The following PRKCE variants were observed in gnomAD, a reference collection of about 807,000 sequenced individuals.
PRKCE encodes the protein protein kinase C epsilon, also known as protein kinase C epsilon type.
In PRKCE, 16 loss-of-function variants were observed where a neutral mutation model predicts 85.4. The observed-to-expected ratio is 0.19, with a 90% confidence interval of 0.13 to 0.28. The LOEUF is 0.28. Ranked by LOEUF, PRKCE falls within the 10% of genes least tolerant of loss-of-function variation. PRKCE has a pLI of 1.00. For missense variants in PRKCE, 573 were observed against 975.2 expected, an observed-to-expected ratio of 0.59 and a Z score of 5.49; for synonymous variants, 388 against 371.5, an observed-to-expected ratio of 1.04 and a Z score of -0.51.
intron 10 of PRKCE, among the ~76,000 whole-genome samples, chr2:46,047,863 AG>A (rs1237571888): frequency 1.2e-4 from 18 of 152,262 alleles, no homozygotes; most frequent in Non-Finnish European, 1.2e-4. Flanking sequence ...ACTTGCATAC[AG>A]GAAGTTTTCT....
At position 46,041,347 on chromosome 2, in the gene PRKCE, A is replaced by T. The variant is rs1448825747; in HGVS notation, c.1437+30830A>T. Among the ~76,000 whole-genome samples the T allele has an allele frequency of 6.6e-6, 1 of 152,198 alleles. No homozygotes were observed. Among genetic ancestry groups the T allele is most frequent in the Non-Finnish European group, 1.5e-5 (1 of 68,032 alleles). On this transcript the variant is annotated intron_variant, in intron 10 of 14. Coordinates refer to ENST00000306156, the MANE Select transcript of PRKCE (RefSeq NM_005400.3). The surrounding 1 kb of genome is among the most constrained non-coding windows in gnomAD (Gnocchi z 5.5). Reference sequence around the variant, plus strand: ...TTTTCCTTCCATAAGTCAATATCTGATGCTTTGATTTTCTTAAGTCATGTA... The same window carrying T: ...TTTTCCTTCCATAAGTCAATATCTGTTGCTTTGATTTTCTTAAGTCATGTA...
intron 1 of PRKCE, among the ~76,000 whole-genome samples, chr2:45,800,936 A>T (rs1267497877): frequency 6.6e-6 from 1 of 152,234 alleles, no homozygotes; most frequent in African/African-American, 2.4e-5. Flanking sequence ...TCATTACAAT[A>T]CCTGGAAACT....
At chr2:46,160,665 T>C (rs1677667606) in intron 14 of PRKCE, among the ~76,000 whole-genome samples, 2 of 152,130 alleles carry the variant, frequency 1.3e-5, no homozygotes, top group Admixed American at 6.5e-5. Context: ...CAGGGAGGAT[T>C]TGCCATCAGG....
chr2:45,857,411 T>G (rs1692764870), intron 2 of PRKCE, among the ~76,000 whole-genome samples: 1 of 152,266 alleles, frequency 6.6e-6, no homozygotes, highest in Non-Finnish European at 1.5e-5. Context: ...CGTGATCATC[T>G]GGGCAGCCTG....
chr2:46,049,888 C>T (rs906593342), intron 10 of PRKCE, among the ~76,000 whole-genome samples: 2 of 152,232 alleles, frequency 1.3e-5, no homozygotes, highest in African/African-American at 4.8e-5. Context: ...AAACCCGAGG[C>T]AGGTCCTTCT....
chr2:46,172,753 G>A (rs954763756), intron 14 of PRKCE, among the ~76,000 whole-genome samples: 1 of 152,224 alleles, frequency 6.6e-6, no homozygotes, highest in Admixed American at 6.5e-5. Flanking sequence ...TAGTCACTAA[G>A]TCCAGAGGGG....
At chr2:45,991,669 A>T (rs1323308609) in intron 6 of PRKCE, among the ~76,000 whole-genome samples, 2 of 152,316 alleles carry the variant, frequency 1.3e-5, no homozygotes, top group South Asian at 2.1e-4. Context: ...ATACCTTTTC[A>T]TGCATATGTG....
intron 2 of PRKCE, among the ~76,000 whole-genome samples, chr2:45,930,260 G>A (rs1303786178): frequency 6.6e-6 from 1 of 152,216 alleles, no homozygotes; most frequent in Non-Finnish European, 1.5e-5. Context: ...TGTTTGGAAA[G>A]CGCATGGATT....
chr2:45,887,627 A>G (rs1392178558), intron 2 of PRKCE, among the ~76,000 whole-genome samples: 1 of 152,038 alleles, frequency 6.6e-6, no homozygotes, highest in Non-Finnish European at 1.5e-5. Flanking sequence ...GGGTCCCACA[A>G]TCAGGAAGCC....
At chr2:45,787,154 C>G (rs1428640181) in intron 1 of PRKCE, among the ~76,000 whole-genome samples, 5 of 152,232 alleles carry the variant, frequency 3.3e-5, no homozygotes, top group African/African-American at 7.2e-5. Context: ...GTGGCTGTAG[C>G]TGGCAGCCCT....
intron 10 of PRKCE, among the ~76,000 whole-genome samples, chr2:46,045,511 G>A (rs1708467920): frequency 1.3e-5 from 2 of 152,226 alleles, no homozygotes; most frequent in South Asian, 4.1e-4. Flanking sequence ...GCTCCAGTCA[G>A]TAGGATCTGC....
intron 11 of PRKCE, among the ~76,000 whole-genome samples, chr2:46,118,570 G>C (rs139935968): frequency 1.3e-5 from 2 of 152,138 alleles, no homozygotes; most frequent in Non-Finnish European, 2.9e-5. Flanking sequence ...AGAGAAAAAT[G>C]GAGATGAGAC....
At chr2:46,002,073 C>A (rs1704732231) in intron 7 of PRKCE, among the ~76,000 whole-genome samples, 1 of 152,136 alleles carries the variant, frequency 6.6e-6, no homozygotes, top group Non-Finnish European at 1.5e-5. Flanking sequence ...CTTTGGAGAC[C>A]AAAACTGTCT....
intron 2 of PRKCE, among the ~76,000 whole-genome samples, chr2:45,898,661 G>A (rs1238678597): frequency 1.3e-5 from 2 of 152,194 alleles, no homozygotes; most frequent in African/African-American, 4.8e-5. Flanking sequence ...TACCACTACT[G>A]TTACTGTGGG....
intron 1 of PRKCE, among the ~76,000 whole-genome samples, chr2:45,687,225 G>A (rs1242023193): frequency 1.3e-5 from 2 of 151,698 alleles, no homozygotes; most frequent in Non-Finnish European, 2.9e-5. Flanking sequence ...AAAACCAAAC[G>A]ACTAATATCC....
chr2:46,106,568 G>A (rs1202294818), intron 11 of PRKCE, among the ~76,000 whole-genome samples: 1 of 152,202 alleles, frequency 6.6e-6, no homozygotes, highest in Non-Finnish European at 1.5e-5. Flanking sequence ...AATTCCAAGG[G>A]CCATAACAGA....
chr2:46,089,170 C>T (rs930895878), intron 11 of PRKCE, among the ~76,000 whole-genome samples: 9 of 152,148 alleles, frequency 5.9e-5, no homozygotes, highest in African/African-American at 1.7e-4. Context: ...TGCTGGTTTT[C>T]CCCAGGGCCT....
chr2:45,956,784 A>G (rs1170933008), intron 2 of PRKCE, among the ~76,000 whole-genome samples: 1 of 152,234 alleles, frequency 6.6e-6, no homozygotes, highest in East Asian at 1.9e-4. Context: ...CTGAAATTGC[A>G]TGTTCACCAG....
intron 2 of PRKCE, among the ~76,000 whole-genome samples, chr2:45,902,295 C>T (rs529125642): frequency 1.3e-5 from 2 of 152,266 alleles, no homozygotes; most frequent in African/African-American, 4.8e-5. Flanking sequence ...GTAATTGGAA[C>T]ATGAGTGTAA....
Sources: gnomAD v4.1 joint callset for allele counts (sites outside exome capture counted in the v4.1 genomes callset) on GRCh38, gnomAD v4.1.1 for gene constraint, Gnocchi (gnomAD v3.1) non-coding constraint, MANE v1.5 for transcripts, NCBI Gene and HGNC (gene_info 2026-07-23, HGNC 2026-07-21) for gene names.